MCC: variants seen among roughly 807,000 people sequenced by gnomAD.
MCC encodes the protein MCC regulator of Wnt signaling pathway.
A neutral mutation model predicts 116.2 loss-of-function variants in MCC; 90 were observed. That is an observed-to-expected ratio of 0.77 (90% CI 0.65 to 0.92). The LOEUF is 0.92. Ranked by LOEUF, MCC falls within the 40% of genes least tolerant of loss-of-function variation. MCC has a pLI of 0.00. For missense variants in MCC, 1,516 were observed against 1,312.2 expected (o/e 1.16, Z -2.40); for synonymous variants, 578 against 510.5 (o/e 1.13, Z -1.78).
At chr5:113,339,940 G>C (rs570474917) in intron 3 of MCC, among the ~76,000 whole-genome samples, 2 of 152,216 alleles carry the variant, frequency 1.3e-5, no homozygotes, top group African/African-American at 2.4e-5. Flanking sequence ...CAGGCCATCG[G>C]CCACCCGCCT....
chr5:113,178,221 A>G (rs968760341), intron 3 of MCC, among the ~76,000 whole-genome samples: 1 of 152,204 alleles, frequency 6.6e-6, no homozygotes, highest in African/African-American at 2.4e-5. Context: ...GACAGTTAAC[A>G]AAGACACTAC....
At chr5:113,105,972 CA>C (rs1241317603) in intron 6 of MCC, among the ~76,000 whole-genome samples, 1 of 152,190 alleles carries the variant, frequency 6.6e-6, no homozygotes, top group East Asian at 1.9e-4. Context: ...GCCCAGGCCC[CA>C]CCCCAGACCA....
At chr5:113,441,190 C>T (rs1771028409) in intron 1 of MCC, among the ~76,000 whole-genome samples, 1 of 152,002 alleles carries the variant, frequency 6.6e-6, no homozygotes, top group Non-Finnish European at 1.5e-5. Context: ...CAAAAATTAG[C>T]CAGGTTTGGT....
chr5:113,245,588 T>G (rs1036908502), intron 3 of MCC, among the ~76,000 whole-genome samples: 1 of 152,120 alleles, frequency 6.6e-6, no homozygotes, highest in Admixed American at 6.6e-5. Flanking sequence ...AGGTTTGGAA[T>G]CCACTGTGAG....
intron 2 of MCC, among the ~76,000 whole-genome samples, chr5:113,373,185 A>T (rs1432845346): frequency 1.4e-5 from 2 of 147,118 alleles, no homozygotes; most frequent in African/African-American, 4.9e-5. Context: ...TCTCAAAAAA[A>T]AATAAAATAA....
At chr5:113,250,766 G>C (rs1397750580) in intron 3 of MCC, among the ~76,000 whole-genome samples, 2 of 152,104 alleles carry the variant, frequency 1.3e-5, no homozygotes, top group Non-Finnish European at 2.9e-5. Flanking sequence ...TTTTTCTAAG[G>C]GGCTGAGTTC....
At chr5:113,379,577 C>T (rs1769064724) in intron 2 of MCC, among the ~76,000 whole-genome samples, 1 of 152,130 alleles carries the variant, frequency 6.6e-6, no homozygotes, top group South Asian at 2.1e-4. Flanking sequence ...CATTATAATA[C>T]AAGTAAAGTG....
rs1225396078 is a variant in MCC, at chr5:113,027,061, C to T, written c.*241G>A. ...GAGGCTCTGCTGAGCAGGCACAGAA[C>T]ATGTGTTTACACGCTGTTGTGGGCC... On this transcript the variant is annotated 3_prime_UTR_variant, in exon 19 of 19. Transcript: ENST00000408903. 5 of 507,684 alleles carry T rather than the reference C, an allele frequency of 9.8e-6. No individual in the cohort carries two copies. The highest frequency in any genetic ancestry group is 7.1e-5 in the Admixed American group (2 of 28,034). 31.4% of individuals were successfully genotyped at this position (507,684 alleles called of 1,614,324 possible).
intron 3 of MCC, among the ~76,000 whole-genome samples, chr5:113,166,288 G>T (rs1459808069): frequency 6.6e-6 from 1 of 152,130 alleles, no homozygotes; most frequent in Non-Finnish European, 1.5e-5. Context: ...GCAGTGACTA[G>T]AAATACTGAC....
At chr5:113,291,435 G>C (rs1766490745) in intron 3 of MCC, among the ~76,000 whole-genome samples, 1 of 152,230 alleles carries the variant, frequency 6.6e-6, no homozygotes, top group Non-Finnish European at 1.5e-5. Flanking sequence ...CTGTCAAAGA[G>C]TCAATGACTT....
At chr5:113,349,709 A>G (rs1033525743) in intron 2 of MCC, among the ~76,000 whole-genome samples, 4 of 152,092 alleles carry the variant, frequency 2.6e-5, no homozygotes, top group Non-Finnish European at 5.9e-5. Context: ...ATCAGATAAG[A>G]GAAAGATATA....
At chr5:113,418,592 G>T (rs1004658239) in intron 1 of MCC, among the ~76,000 whole-genome samples, 2 of 152,046 alleles carry the variant, frequency 1.3e-5, no homozygotes, top group Non-Finnish European at 2.9e-5. Flanking sequence ...CCTCAGAAGT[G>T]TATTGTGAAG....
At chr5:113,111,495 C>T (rs778956550) in intron 6 of MCC, among the ~76,000 whole-genome samples, 15 of 152,170 alleles carry the variant, frequency 9.9e-5, no homozygotes, top group South Asian at 4.1e-4. Context: ...CAGCTACCTG[C>T]GACACTGACC....
chr5:113,450,457 C>T (rs914287011), intron 1 of MCC, among the ~76,000 whole-genome samples: 1 of 151,946 alleles, frequency 6.6e-6, no homozygotes, highest in African/African-American at 2.4e-5. Context: ...TGATGTGATG[C>T]CCCCCCAAGC....
intron 14 of MCC, among the ~76,000 whole-genome samples, chr5:113,056,670 C>T (rs906740922): frequency 6.6e-6 from 1 of 152,082 alleles, no homozygotes; most frequent in Non-Finnish European, 1.5e-5. Context: ...AACAAACCTC[C>T]ATGACATGAG....
intron 9 of MCC, 107 bp from the exon 10 acceptor site, chr5:113,084,297 AT>A: frequency 1.2e-6 from 1 of 855,924 alleles, no homozygotes; most frequent in Non-Finnish European, 1.9e-6. Flanking sequence ...CAACTAAATG[AT>A]TAAAGAACTT....
intron 3 of MCC, among the ~76,000 whole-genome samples, chr5:113,333,949 CAA>C (rs997906847): frequency 7.5e-6 from 1 of 132,758 alleles, no homozygotes; most frequent in Non-Finnish European, 1.6e-5. Flanking sequence ...GACAAGGAGA[CAA>C]ATGATTACTT....
chr5:113,327,545 CAAAAA>C (rs1189402090), intron 3 of MCC, among the ~76,000 whole-genome samples: 111 of 57,092 alleles, frequency 1.9e-3, no homozygotes, highest in Non-Finnish European at 2.7e-3. Context: ...GACTCAGTCT[CAAAAA>C]AAAAAAAAAA....
At chr5:113,471,388 C>G (rs1021259437) in intron 1 of MCC, among the ~76,000 whole-genome samples, 15 of 151,648 alleles carry the variant, frequency 9.9e-5, no homozygotes, top group Non-Finnish European at 1.5e-5. Context: ...TTCCTTCTAA[C>G]AGACAGGACC....
Sources: allele counts gnomAD v4.1 joint callset (sites outside exome capture counted in the v4.1 genomes callset), GRCh38; gene constraint gnomAD v4.1.1; transcripts MANE v1.5; gene names NCBI Gene and HGNC (gene_info 2026-07-23, HGNC 2026-07-21).